Variants in SQSTM1 observed in about 807,000 individuals in gnomAD.
SQSTM1 encodes sequestosome-1.
Under a neutral mutation model 45.1 loss-of-function variants are expected in SQSTM1, and 36 were observed. The ratio of observed to expected loss-of-function variants is 0.80; its 90% CI spans 0.61 to 1.05. SQSTM1 has a LOEUF of 1.05. Ranked by LOEUF, SQSTM1 falls within the 50% of genes least tolerant of loss-of-function variation. SQSTM1 has a pLI of 0.00. For synonymous variants in SQSTM1, 290 were observed against 244.3 expected, an observed-to-expected ratio of 1.19 and a Z score of -1.74; for missense variants, 617 against 607.1, an observed-to-expected ratio of 1.02 and a Z score of -0.17.
intron 5 of SQSTM1, among the ~76,000 whole-genome samples, chr5:179,832,746 T>C (rs1758284654): frequency 6.6e-6 from 1 of 152,030 alleles, no homozygotes; most frequent in Non-Finnish European, 1.5e-5. Context: ...CCACCAAGAA[T>C]GTTTCCAGAA....
intron 1 of SQSTM1, chr5:179,822,649 A>G: frequency 2.5e-6 from 1 of 396,820 alleles, no homozygotes. Flanking sequence ...ATGAGGTGGC[A>G]CGTTTCTGAA....
At chr5:179,827,873 TC>T (rs1758059401) in intron 5 of SQSTM1, among the ~76,000 whole-genome samples, 1 of 152,150 alleles carries the variant, frequency 6.6e-6, no homozygotes, top group Non-Finnish European at 1.5e-5. Context: ...AACAGCTGCC[TC>T]CCGGTGGCAG....
In SQSTM1 at chr5:179,833,619, A is replaced by T; in HGVS notation, c.1002A>T (p.Gly334=). ...EQMESDNCSG[G]DDDWTHLSSK... ...TGGAGTCGGATAACTGTTCAGGAGGAGATGATGACTGGACCCATCTGTCTT... is the reference window on the plus strand; with the variant it reads ...TGGAGTCGGATAACTGTTCAGGAGGTGATGATGACTGGACCCATCTGTCTT... The change falls in exon 7 of 8, where the codon GGA becomes GGT. Residue 334 remains glycine, a synonymous_variant. Transcript: ENST00000389805. The T allele has an allele frequency of 1.9e-6, 3 of 1,614,104 alleles. No individual in the cohort carries two copies. The highest frequency in any genetic ancestry group is 2.5e-6 in the Non-Finnish European group (3 of 1,180,028).
At chr5:179,824,363 T>C (rs1236119153) in intron 4 of SQSTM1, 40 bp downstream of exon 4, 2 of 1,612,894 alleles carry the variant, frequency 1.2e-6, no homozygotes, top group African/African-American at 1.3e-5. Flanking sequence ...TTGGTGACAG[T>C]AGTCAGGCAG....
intron 1 of SQSTM1, among the ~76,000 whole-genome samples, chr5:179,809,637 C>CTTTTT (rs1181470503): frequency 1.4e-4 from 11 of 77,662 alleles, no homozygotes; most frequent in Admixed American, 9.0e-4. Context: ...GCGCCTGGCC[C>CTTTTT]TTTTTTTTTT....
chr5:179,827,462 T>G (rs1212340930), intron 5 of SQSTM1, among the ~76,000 whole-genome samples: 1 of 152,186 alleles, frequency 6.6e-6, no homozygotes, highest in Non-Finnish European at 1.5e-5. Flanking sequence ...TTTTTTGTAT[T>G]TTTAGTAGAG....
intron 4 of SQSTM1, 120 bp from the exon 5 acceptor site, chr5:179,825,026 C>T: frequency 1.0e-6 from 1 of 960,442 alleles, no homozygotes; most frequent in East Asian, 2.5e-5. Flanking sequence ...GGTCACTGGA[C>T]AAGATGTCCG....
At chr5:179,825,071 CAAG>C in intron 4 of SQSTM1, 72 bp from the exon 5 acceptor site, 2 of 1,484,872 alleles carry the variant, frequency 1.3e-6, no homozygotes, top group East Asian at 4.5e-5. Flanking sequence ...GGGACCTTGG[CAAG>C]AAGGTGACAG....
intron 7 of SQSTM1, chr5:179,835,703 C>A: frequency 6.4e-6 from 1 of 155,272 alleles, no homozygotes; most frequent in Non-Finnish European, 1.4e-5. Flanking sequence ...AAAGCTATAT[C>A]ATTCTTATGT....
At chr5:179,833,337 C>G in intron 6 of SQSTM1, 91 bp downstream of exon 6, 1 of 1,289,938 alleles carries the variant, frequency 7.8e-7, no homozygotes, top group Middle Eastern at 2.6e-4. Context: ...ACCTCTGCAG[C>G]CCCACTTACA....
upstream of SQSTM1, among the ~76,000 whole-genome samples, chr5:179,815,971 G>A (rs774673801): frequency 1.3e-5 from 2 of 152,264 alleles, no homozygotes; most frequent in East Asian, 3.9e-4. Flanking sequence ...ACAGGGACTC[G>A]CAGGGAGGTC....
At chr5:179,824,377 G>C in intron 4 of SQSTM1, 54 bp downstream of exon 4, 2 of 1,612,560 alleles carry the variant, frequency 1.2e-6, no homozygotes, top group Admixed American at 1.7e-5. Context: ...CAGGCAGCCT[G>C]TGTGCAGGGC....
intron 7 of SQSTM1, chr5:179,836,091 A>G: frequency 2.4e-6 from 1 of 411,616 alleles, no homozygotes; most frequent in South Asian, 2.5e-5. Flanking sequence ...ATGCCCCATC[A>G]TCTCTTGCAT....
chr5:179,830,793 T>C (rs113854720), intron 5 of SQSTM1, among the ~76,000 whole-genome samples: 11,574 of 152,106 alleles, frequency 0.076, 1,427 homozygotes, highest in African/African-American at 0.26. Flanking sequence ...CCTGACCTCA[T>C]GATCTACCTG....
rs1233954855 is a variant in SQSTM1, at chr5:179,825,169, A to C, written c.697A>C (p.Ser233Arg). The change falls in exon 5 of 8, where the codon AGT (serine) becomes CGT (arginine). Residue 233 changes from serine to arginine, a missense_variant. Transcript: ENST00000389805. The part of the protein sequence containing the change: ...ESASGPSEDP[S>R]VNFLKNVGES... ...AGCTTCTGGTCCATCGGAGGATCCG[A>C]GTGTGAATTTCCTGAAGAACGTTGG... 1.9e-6 allele frequency: 3 copies of C among 1,614,100 alleles called. No homozygotes were observed. The highest frequency in any genetic ancestry group is 2.5e-6 in the Non-Finnish European group (3 of 1,180,024).
At chr5:179,835,928 T>C (rs191414526) in intron 7 of SQSTM1, 2 of 219,878 alleles carry the variant, frequency 9.1e-6, no homozygotes, top group African/African-American at 2.3e-5. Context: ...GGCAGTTAGG[T>C]TGGTTCCACA....
intron 6 of SQSTM1, 94 bp from the exon 7 acceptor site, chr5:179,833,493 C>G: frequency 7.4e-7 from 1 of 1,354,558 alleles, no homozygotes; most frequent in South Asian, 1.2e-5. Context: ...CGTGTGCATG[C>G]GTGCTCCCCG....
intron 5 of SQSTM1, among the ~76,000 whole-genome samples, chr5:179,826,455 C>G (rs1200492903): frequency 1.3e-5 from 2 of 152,118 alleles, no homozygotes; most frequent in East Asian, 3.9e-4. Context: ...GTGTGAACCA[C>G]TGCGCCTGGC....
chr5:179,834,540 C>T lies in SQSTM1; in HGVS notation c.1165+758C>T, dbSNP rs1338850491. Among the ~76,000 whole-genome samples, 118 of 151,734 alleles carry T rather than the reference C, an allele frequency of 7.8e-4. No homozygotes were observed. In the East Asian group the frequency reaches 0.018, roughly 23 times the overall value. ...CAAGTGAACAAAGGTCTCTGGTTTT[C>T]CTAGGCAGAGGACCCTGCGGCCTTC... On this transcript the variant is annotated intron_variant, in intron 7 of 7. Coordinates refer to ENST00000389805, the MANE Select transcript of SQSTM1 (RefSeq NM_003900.5).
Sources: allele counts gnomAD v4.1 joint callset (sites outside exome capture counted in the v4.1 genomes callset), GRCh38; gene constraint gnomAD v4.1.1; transcripts MANE v1.5; gene names NCBI Gene and HGNC (gene_info 2026-07-23, HGNC 2026-07-21).